The following PIGT variants were observed in gnomAD, a reference collection of about 807,000 sequenced individuals.
PIGT encodes the protein GPI-anchor transamidase component PIGT.
PIGT carries 57 observed loss-of-function variants against 66.7 expected under a neutral mutation model. The observed-to-expected ratio is 0.86, with a 90% CI of 0.69 to 1.07. The LOEUF is 1.07. Among genes scored for constraint, PIGT ranks in the 50% least tolerant of loss-of-function variants. The pLI is 0.00. For synonymous variants in PIGT, 362 were observed against 320.5 expected (o/e 1.13, Z -1.38); for missense variants, 725 against 740.4 (o/e 0.98, Z 0.24).
intron 2 of PIGT, chr20:45,418,413 C>G: frequency 4.2e-6 from 1 of 238,886 alleles, no homozygotes; most frequent in South Asian, 5.1e-5. Flanking sequence ...GGTCAGGACA[C>G]GATGCTGCTG....
Position 45,416,707 on chromosome 20 carries a change from C to G in PIGT, c.365+13C>G, listed in dbSNP as rs1341427496. On this transcript the variant is annotated intron_variant, in intron 2 of 11. Coordinates refer to ENST00000279036, the MANE Select transcript of PIGT (RefSeq NM_015937.6). ...ACACTGTCACTGAGTGAGTGCACAC[C>G]TTGGGCCCTGTTGCAGGCCATGGAG... 5.6e-6 allele frequency: 9 copies of G among 1,602,698 alleles called. No individual in the cohort carries two copies. The Admixed American group carries it at 6.7e-5, about 12-fold the overall frequency.
At position 45,424,573 on chromosome 20, in the gene PIGT, A is replaced by G. The variant is rs775879591; in HGVS notation, c.1478A>G (p.Asn493Ser). ...GACTGGGAAGAGAGTCCCCTCTTCA[A>G]CAGCCTGTAAGTGTGACCACACTCA... ...PVDWEESPLFNSLFPVSDGSN... is the reference protein window; with the variant it reads ...PVDWEESPLFSSLFPVSDGSN... Residue 493 changes from asparagine to serine, a missense_variant, in exon 11 of 12, where the codon AAC becomes AGC. Physicochemically the swap from Asn to Ser is conservative, Grantham distance 46. Transcript: ENST00000279036. 9 of 1,613,220 alleles carry G rather than the reference A, an allele frequency of 5.6e-6. No homozygotes were observed. The highest frequency in any genetic ancestry group is 7.6e-6 in the Non-Finnish European group (9 of 1,179,396).
In PIGT at chr20:45,416,347, A is replaced by T; in HGVS notation, c.187+4A>T. ...TCGGAGCTTCAGCGGGAAGGAGGTG[A>T]GGGCGCGAGATCTGACCAGGGAAAG... On this transcript the variant is annotated splice_donor_region_variant and intron_variant, in intron 1 of 11. Coordinates refer to ENST00000279036, the MANE Select transcript of PIGT (RefSeq NM_015937.6). The T allele has an allele frequency of 1.3e-6, 2 of 1,580,040 alleles. No individual in the cohort carries two copies. Among genetic ancestry groups the T allele is most frequent in the Non-Finnish European group, 1.7e-6 (2 of 1,160,482 alleles).
chr20:45,417,024 C>G (rs143936838), intron 2 of PIGT: 1 of 189,752 alleles, frequency 5.3e-6, no homozygotes, highest in African/African-American at 2.4e-5. Context: ...ATAAATACCA[C>G]GAAAGCCAAC....
In PIGT at chr20:45,424,233, C is replaced by T; in HGVS notation, c.1252C>T (p.Pro418Ser). 2 of 1,614,190 alleles carry T rather than the reference C, an allele frequency of 1.2e-6. No homozygotes were observed. The highest frequency in any genetic ancestry group is 2.2e-5 in the South Asian group (2 of 91,086). The change falls in exon 10 of 12, where the codon CCT becomes TCT. Residue 418 changes from proline to serine, a missense_variant. Physicochemically the swap from Pro to Ser is moderately conservative, Grantham distance 74 (BLOSUM62 -1). Around this residue, in one of 3 missense-constraint regions of PIGT, gnomAD observed 559 missense variants for 552.7 expected, o/e 1.01. Coordinates refer to ENST00000279036, the MANE Select transcript of PIGT (RefSeq NM_015937.6). ...ENKPSYIHYQ[P>S]AQDRLQPHLL... Reference sequence around the variant, plus strand: ...GTCTCCAGGTTACATCCACTACCAGCCTGCCCAGGACCGGCTGCAACCCCA... The same window carrying T: ...GTCTCCAGGTTACATCCACTACCAGTCTGCCCAGGACCGGCTGCAACCCCA...
At chr20:45,420,768 G>T in intron 8 of PIGT, 75 bp downstream of exon 8, 1 of 1,450,764 alleles carries the variant, frequency 6.9e-7, no homozygotes, top group Admixed American at 1.7e-5. Context: ...CGTCTTTGCC[G>T]TTAGATGATT....
chr20:45,422,355 GT>G (rs1990419124), intron 9 of PIGT: 1 of 151,422 alleles, frequency 6.6e-6, no homozygotes, highest in Non-Finnish European at 1.5e-5. Flanking sequence ...AGGTTTTTCT[GT>G]TATTATTCTT....
In PIGT at chr20:45,416,334, C is replaced by T; in HGVS notation, c.178C>T (p.Arg60Trp). 16 of 1,586,852 alleles carry T rather than the reference C, an allele frequency of 1.0e-5. No individual in the cohort carries two copies. The highest frequency in any genetic ancestry group is 1.4e-5 in the Non-Finnish European group (16 of 1,164,098). ...FRTRWDSELQ[R>W]EGVSHYRLFP... Reference sequence around the variant, plus strand: ...CACGCGCTGGGATTCGGAGCTTCAGCGGGAAGGAGGTGAGGGCGCGAGATC... The same window carrying T: ...CACGCGCTGGGATTCGGAGCTTCAGTGGGAAGGAGGTGAGGGCGCGAGATC... Residue 60 changes from arginine (R) to tryptophan (W), a missense_variant, in exon 1 of 12, where the codon CGG (arginine) becomes TGG (tryptophan). This residue lies in a region of PIGT where 559 missense variants were observed against 552.7 expected (regional missense o/e 1.01). Coordinates refer to ENST00000279036, the MANE Select transcript of PIGT (RefSeq NM_015937.6).
intron 9 of PIGT, chr20:45,422,327 C>G (rs1198537057): frequency 1.3e-5 from 2 of 152,180 alleles, no homozygotes; most frequent in Non-Finnish European, 2.9e-5. Flanking sequence ...TTTCAGACAT[C>G]CTAACTGCAT....
intron 11 of PIGT, 76 bp from the exon 12 acceptor site, chr20:45,425,498 A>G (rs562477287): frequency 2.6e-5 from 40 of 1,534,112 alleles, no homozygotes; most frequent in Middle Eastern, 1.7e-4. Flanking sequence ...GCATTGCCCA[A>G]TACTGCCGGA....
At chr20:45,416,898 C>T in intron 2 of PIGT, 1 of 486,952 alleles carries the variant, frequency 2.1e-6, no homozygotes, top group South Asian at 3.7e-5. Flanking sequence ...GTAGCACATG[C>T]ATATCCCTGG....
At chr20:45,416,384 G>C (rs956849587) in intron 1 of PIGT, 41 bp downstream of exon 1, 1 of 1,553,940 alleles carries the variant, frequency 6.4e-7, no homozygotes, top group African/African-American at 1.4e-5. Context: ...TTTCCGTAGT[G>C]CCTGCTGGCT....
In PIGT at chr20:45,416,202, G is replaced by T; in HGVS notation, c.46G>T (p.Gly16Trp). The T allele has an allele frequency of 6.3e-7, 1 of 1,591,464 alleles. No homozygotes were observed. The highest frequency in any genetic ancestry group is 1.3e-5 in the African/African-American group (1 of 74,462). ...PLALLVLLLL[G>W]PGGWCLAEPP... is the part of the protein sequence containing the mutation. The stretch of plus-strand genomic sequence containing the variant: ...TGCTCTGCTCGTCCTGTTGCTCCTG[G>T]GGCCCGGCGGCTGGTGCCTTGCAGA... The change falls in exon 1 of 12, where the codon GGG becomes TGG. Residue 16 changes from glycine to tryptophan, a missense_variant. Around this residue, in one of 3 missense-constraint regions of PIGT, gnomAD observed 559 missense variants for 552.7 expected, o/e 1.01. Transcript: ENST00000279036.
In PIGT at chr20:45,420,340, C is replaced by T; in HGVS notation, c.778C>T (p.Leu260Phe). Residue 260 changes from leucine (L) to phenylalanine (F), a missense_variant, in exon 7 of 12, where the codon CTC (leucine) becomes TTC (phenylalanine). Physicochemically the swap from Leu to Phe is conservative, Grantham distance 22. Transcript: ENST00000279036. ...TGCGCTCTGTTTCTCAGACTGGTCC[C>T]TCTTCCGGATGTTCTCCCGAACCCT... Reference protein sequence around the residue: ...ITGQGKKDWSLFRMFSRTLTE... With the variant: ...ITGQGKKDWSFFRMFSRTLTE... 6.2e-7 allele frequency: 1 copy of T among 1,612,890 alleles called. No individual in the cohort carries two copies. Among genetic ancestry groups the T allele is most frequent in the Non-Finnish European group, 8.5e-7 (1 of 1,179,488 alleles).
In PIGT at chr20:45,418,894, G is replaced by T; in HGVS notation, c.408G>T (p.Gly136=). 1 of 1,613,914 alleles carries T rather than the reference G, an allele frequency of 6.2e-7. No homozygotes were observed. The highest frequency in any genetic ancestry group is 8.5e-7 in the Non-Finnish European group (1 of 1,179,866). ...AGGAGCTCAGTAATGTCCTCTCAGGGATCTTCTGCGCCTCTCTCAACTTCA... is the reference window on the plus strand; with the variant it reads ...AGGAGCTCAGTAATGTCCTCTCAGGTATCTTCTGCGCCTCTCTCAACTTCA... The part of the protein sequence containing the change: ...SWKELSNVLS[G]IFCASLNFID... Residue 136 remains glycine, a synonymous_variant, in exon 3 of 12, where the codon GGG becomes GGT. Coordinates refer to ENST00000279036, the MANE Select transcript of PIGT (RefSeq NM_015937.6).
In PIGT at chr20:45,420,140, C is replaced by T. The variant is rs770537800; in HGVS notation, c.686C>T (p.Ala229Val). ...GCCATCTGGCCCTTGTGATAGAATG[C>T]ACGCTGTACTAGCATCTCCTGGGAG... ...AVHIRPVCRN[A>V]RCTSISWELR... The change falls in exon 6 of 12, where the codon GCA becomes GTA. Residue 229 changes from alanine (A) to valine (V), a missense_variant. Physicochemically the swap from Ala to Val is moderately conservative, Grantham distance 64. Transcript: ENST00000279036. The T allele has an allele frequency of 5.0e-6, 8 of 1,610,022 alleles. 1 individual carries two copies. The African/African-American group carries it at 9.4e-5, about 19-fold the overall frequency.
At chr20:45,420,742 A>G (rs761372718) in intron 8 of PIGT, 49 bp downstream of exon 8, 1 of 1,579,596 alleles carries the variant, frequency 6.3e-7, no homozygotes, top group African/African-American at 1.3e-5. Flanking sequence ...CTACAGAGAA[A>G]AGACTCACAA....
chr20:45,418,797 A>G, intron 2 of PIGT, 55 bp from the exon 3 acceptor site: 1 of 1,609,090 alleles, frequency 6.2e-7, no homozygotes, highest in Non-Finnish European at 8.5e-7. Context: ...GTGGACTTTG[A>G]AAGAGGGAGC....
intron 5 of PIGT, 189 bp downstream of exon 5, chr20:45,419,779 T>C (rs1315237614): frequency 8.2e-6 from 5 of 611,458 alleles, no homozygotes; most frequent in African/African-American, 5.5e-5. Context: ...ATATTTGTCA[T>C]GGAAAATAGT....
Sources: gnomAD v4.1 joint callset for allele counts on GRCh38, gnomAD v4.1.1 for gene constraint, gnomAD v4.1.1 regional missense constraint, MANE v1.5 for transcripts, NCBI Gene and HGNC (gene_info 2026-07-23, HGNC 2026-07-21) for gene names.